The following TNS3 variants were observed in gnomAD, a reference collection of about 807,000 sequenced individuals.
The protein encoded by TNS3 is tensin 3.
In TNS3, 45 loss-of-function variants were observed where a neutral mutation model predicts 140.9. The ratio of observed to expected loss-of-function variants is 0.32; its 90% confidence interval spans 0.25 to 0.41. The LOEUF (loss-of-function observed/expected upper bound fraction) is 0.41, where lower values mean the gene tolerates loss of function less well. Ranked by LOEUF, TNS3 falls within the 10% of genes least tolerant of loss-of-function variation. TNS3 has a pLI of 1.00. For missense variants in TNS3, 1,716 were observed against 1,906.7 expected (o/e 0.90, Z 1.86); for synonymous variants, 815 against 788.4 (o/e 1.03, Z -0.56).
intron 11 of TNS3, among the ~76,000 whole-genome samples, chr7:47,414,883 G>A (rs1213229238): frequency 1.3e-5 from 2 of 152,182 alleles, no homozygotes; most frequent in African/African-American, 4.8e-5. Flanking sequence ...CTGGCCGCCA[G>A]TCCCTCCCCT....
At chr7:47,307,159 A>G (rs562434626) in intron 20 of TNS3, among the ~76,000 whole-genome samples, 188 of 152,328 alleles carry the variant, frequency 1.2e-3, no homozygotes, top group African/African-American at 4.4e-3. Context: ...CATCATTCCA[A>G]GAGTTTCCTC....
At chr7:47,572,302 C>A (rs1363174060) in intron 1 of TNS3, among the ~76,000 whole-genome samples, 1 of 152,204 alleles carries the variant, frequency 6.6e-6, no homozygotes. Flanking sequence ...ACGCCTAGGT[C>A]GGGATCCAGG....
At chr7:47,373,541 C>T (rs892183680) in intron 16 of TNS3, among the ~76,000 whole-genome samples, 1 of 152,194 alleles carries the variant, frequency 6.6e-6, no homozygotes, top group African/African-American at 2.4e-5. Flanking sequence ...ATGCACCTGC[C>T]CTGTGGCCTT....
chr7:47,402,452 G>A (rs986817501), intron 13 of TNS3, among the ~76,000 whole-genome samples: 1 of 152,186 alleles, frequency 6.6e-6, no homozygotes, highest in Non-Finnish European at 1.5e-5. Flanking sequence ...CCAATGGCAC[G>A]TTGGCCACAA....
At chr7:47,292,270 A>G (rs1584327191) in intron 26 of TNS3, among the ~76,000 whole-genome samples, 2 of 152,356 alleles carry the variant, frequency 1.3e-5, no homozygotes, top group East Asian at 3.9e-4. Flanking sequence ...AATTAGTCAT[A>G]TGAACAATGA....
intron 23 of TNS3, among the ~76,000 whole-genome samples, chr7:47,300,924 T>TTC (rs1786365829): frequency 6.6e-6 from 1 of 152,248 alleles, no homozygotes; most frequent in Admixed American, 6.5e-5. Context: ...AGGCTTTTTT[T>TTC]TCTCTCTCTT....
chr7:47,417,109 C>T (rs1330031940), intron 10 of TNS3, among the ~76,000 whole-genome samples: 1 of 152,228 alleles, frequency 6.6e-6, no homozygotes, highest in Non-Finnish European at 1.5e-5. Context: ...TGTTTTATGA[C>T]TTCCTGCAAA....
At chr7:47,339,615 G>C (rs560587790) in intron 20 of TNS3, among the ~76,000 whole-genome samples, 1 of 152,122 alleles carries the variant, frequency 6.6e-6, no homozygotes, top group Admixed American at 6.6e-5. Flanking sequence ...TTGAAATTAG[G>C]TAACCTCATT....
chr7:47,534,550 G>T (rs538527601), intron 1 of TNS3, among the ~76,000 whole-genome samples: 1 of 152,140 alleles, frequency 6.6e-6, no homozygotes, highest in African/African-American at 2.4e-5. Flanking sequence ...TTACCTGGAG[G>T]TTGAATCAGA....
At chr7:47,302,317 C>T (rs1350293997) in intron 22 of TNS3, 45 bp from the exon 23 acceptor site, 1 of 1,462,672 alleles carries the variant, frequency 6.8e-7, no homozygotes, top group South Asian at 1.1e-5. Flanking sequence ...GGGCACTTTT[C>T]TTCTTGCAAC....
At chr7:47,483,416 A>G (rs2964957) in intron 3 of TNS3, among the ~76,000 whole-genome samples, 115,807 of 152,070 alleles carry the variant, frequency 0.76, 44,824 homozygotes, top group East Asian at 0.92. Context: ...TGATCCACCC[A>G]CCTCGGCCTC....
intron 1 of TNS3, chr7:47,539,314 G>A (rs1167323946): frequency 2.9e-6 from 1 of 346,490 alleles, no homozygotes; most frequent in Middle Eastern, 1.1e-3. Flanking sequence ...TTATTTAAAA[G>A]AGTAGCCATT....
intron 20 of TNS3, among the ~76,000 whole-genome samples, chr7:47,320,206 T>C (rs926084112): frequency 2.6e-5 from 4 of 152,186 alleles, no homozygotes; most frequent in Non-Finnish European, 5.9e-5. Context: ...TGCACTCTCG[T>C]CCATCTATAC....
intron 2 of TNS3, among the ~76,000 whole-genome samples, chr7:47,518,742 G>C (rs1258611783): frequency 6.6e-6 from 1 of 152,180 alleles, no homozygotes; most frequent in Admixed American, 6.5e-5. Flanking sequence ...GTATGGGCAT[G>C]GTTCACGTGC....
At chr7:47,427,494 G>C (rs568195381) in intron 9 of TNS3, among the ~76,000 whole-genome samples, 23 of 152,212 alleles carry the variant, frequency 1.5e-4, no homozygotes, top group Non-Finnish European at 2.6e-4. Flanking sequence ...TGAGAAGACA[G>C]GGCAGATGCA....
At chr7:47,385,387 GACA>G (rs1051704376) in intron 16 of TNS3, among the ~76,000 whole-genome samples, 10 of 152,336 alleles carry the variant, frequency 6.6e-5, no homozygotes, top group African/African-American at 2.4e-4. Context: ...GGTGAGCTCT[GACA>G]ACAACAACCA....
In TNS3 at chr7:47,506,308, C is replaced by T. The variant is rs138934388; in HGVS notation, c.-115+599G>A. ...CTTGGGGTGTCTGTCACTTCCCACA[C>T]GGCACTTCCAGGCCACCTCACTTCC... On this transcript the variant is annotated intron_variant, in intron 3 of 30. Transcript: ENST00000311160. Among the ~76,000 whole-genome samples the T allele has an allele frequency of 8.3e-3, 1,258 of 152,266 alleles. 21 individuals carry two copies. Among genetic ancestry groups the T allele is most frequent in the African/African-American group, 0.028 (1,169 of 41,532 alleles).
intron 2 of TNS3, among the ~76,000 whole-genome samples, chr7:47,516,971 G>A (rs920909835): frequency 1.3e-5 from 2 of 152,182 alleles, no homozygotes; most frequent in African/African-American, 2.4e-5. Flanking sequence ...GCTGAGGCAG[G>A]AGAATCACTT....
chr7:47,410,525 C>T (rs923254384), intron 13 of TNS3, among the ~76,000 whole-genome samples: 1 of 152,154 alleles, frequency 6.6e-6, no homozygotes, highest in African/African-American at 2.4e-5. Flanking sequence ...ACCCCGCAGG[C>T]GTGGATGGGT....
Sources: allele counts gnomAD v4.1 joint callset (sites outside exome capture counted in the v4.1 genomes callset), GRCh38; gene constraint gnomAD v4.1.1; transcripts MANE v1.5; gene names NCBI Gene and HGNC (gene_info 2026-07-23, HGNC 2026-07-21).